MCC: variants seen among roughly 807,000 people sequenced by gnomAD.
MCC encodes colorectal mutant cancer protein.
MCC carries 90 observed loss-of-function variants against 116.2 expected under a neutral mutation model. The ratio of observed to expected loss-of-function variants is 0.77; its 90% CI spans 0.65 to 0.92. The LOEUF (loss-of-function observed/expected upper bound fraction) is 0.92. MCC is among the 40% of genes least tolerant of loss of function. The pLI is 0.00. For synonymous variants in MCC, 578 were observed against 510.5 expected (o/e 1.13, Z -1.78); for missense variants, 1,516 against 1,312.2 (o/e 1.16, Z -2.40).
chr5:113,204,741 T>C (rs1762836408), intron 3 of MCC, among the ~76,000 whole-genome samples: 1 of 152,208 alleles, frequency 6.6e-6, no homozygotes. Flanking sequence ...ACGGTTATGA[T>C]CACAGGGGAG....
At chr5:113,157,416 T>C (rs895177614) in intron 3 of MCC, among the ~76,000 whole-genome samples, 2 of 152,226 alleles carry the variant, frequency 1.3e-5, no homozygotes, top group African/African-American at 4.8e-5. Context: ...AGTCTGTGCT[T>C]TGAACAGCAC....
intron 12 of MCC, among the ~76,000 whole-genome samples, chr5:113,069,678 C>T (rs1753894552): frequency 6.6e-6 from 1 of 152,214 alleles, no homozygotes; most frequent in Non-Finnish European, 1.5e-5. Flanking sequence ...ACGCCATTAT[C>T]CTGCCTCAGC....
chr5:113,393,414 C>T (rs182748331), intron 1 of MCC, among the ~76,000 whole-genome samples: 2 of 152,252 alleles, frequency 1.3e-5, no homozygotes, highest in Non-Finnish European at 2.9e-5. Context: ...TAAGTGTTTA[C>T]AGGAGATGAC....
chr5:113,243,671 T>C (rs887171720), intron 3 of MCC, among the ~76,000 whole-genome samples: 2 of 151,978 alleles, frequency 1.3e-5, no homozygotes, highest in African/African-American at 4.8e-5. Flanking sequence ...CCTAGTGTGT[T>C]TATCCTTCTT....
intron 3 of MCC, among the ~76,000 whole-genome samples, chr5:113,329,400 AC>A (rs36060073): frequency 2.3e-4 from 35 of 152,134 alleles, no homozygotes; most frequent in Middle Eastern, 3.4e-3. Context: ...ACACACACAC[AC>A]AGAAACATAT....
intron 1 of MCC, among the ~76,000 whole-genome samples, chr5:113,481,028 C>T (rs1714875859): frequency 6.6e-6 from 1 of 152,188 alleles, no homozygotes; most frequent in Non-Finnish European, 1.5e-5. Flanking sequence ...CCACCTGCCT[C>T]AGCCTCCCAA....
intron 16 of MCC, among the ~76,000 whole-genome samples, chr5:113,044,708 G>T (rs192588820): frequency 1.3e-5 from 2 of 152,244 alleles, no homozygotes; most frequent in Non-Finnish European, 2.9e-5. Context: ...CCGAGTAGCT[G>T]GGATTACAGG....
At chr5:113,226,140 T>C (rs189388074) in intron 3 of MCC, among the ~76,000 whole-genome samples, 57 of 152,370 alleles carry the variant, frequency 3.7e-4, no homozygotes, top group Middle Eastern at 3.4e-3. Flanking sequence ...TGTGCCACCA[T>C]ACTCCAGCCT....
At position 113,029,235 on chromosome 5, in the gene MCC, A is replaced by G. The variant is rs75474456; in HGVS notation, c.2757-179T>C. Among the ~76,000 whole-genome samples the G allele has an allele frequency of 6.9e-3, 1,056 of 151,988 alleles. 10 individuals are homozygous for G. The highest frequency in any genetic ancestry group is 0.024 in the African/African-American group (978 of 41,446). ...TGTCACCTGAATGAATTCATTCTCAAATGCAGATTTAAACCCATTTCTTCA... is the reference window on the plus strand; with the variant it reads ...TGTCACCTGAATGAATTCATTCTCAGATGCAGATTTAAACCCATTTCTTCA... On this transcript the variant is annotated intron_variant, in intron 17 of 18. Transcript: ENST00000408903.
chr5:113,117,074 T>C (rs1353945365), intron 6 of MCC, among the ~76,000 whole-genome samples: 1 of 152,238 alleles, frequency 6.6e-6, no homozygotes, highest in Non-Finnish European at 1.5e-5. Flanking sequence ...ACCTCATTCC[T>C]AGCAAAAAGT....
At chr5:113,126,096 G>C (rs1238811537) in intron 5 of MCC, among the ~76,000 whole-genome samples, 1 of 152,184 alleles carries the variant, frequency 6.6e-6, no homozygotes, top group Non-Finnish European at 1.5e-5. Context: ...TCAACTCACA[G>C]GATTCCAAAT....
At chr5:113,229,920 C>G (rs545315475) in intron 3 of MCC, among the ~76,000 whole-genome samples, 2 of 152,170 alleles carry the variant, frequency 1.3e-5, no homozygotes, top group Non-Finnish European at 1.5e-5. Flanking sequence ...AACAACTGAT[C>G]CCCTAACAAC....
In MCC at chr5:113,385,013, T is replaced by A. The variant is rs1769219331; in HGVS notation, c.370A>T (p.Arg124Trp). The change falls in exon 2 of 19, where the codon AGG becomes TGG. Residue 124 changes from arginine to tryptophan, a missense_variant. Coordinates refer to ENST00000408903, the MANE Select transcript of MCC (RefSeq NM_001085377.2). ...GTGGGCCAGGAAGCAATTCTATCCC[T>A]CAGCTTCTTTGTACAGGAGTTGTCT... ...KSDNSCTKKLRDRIASWPTSS... is the reference protein window; with the variant it reads ...KSDNSCTKKLWDRIASWPTSS... 6 of 1,614,226 alleles carry A rather than the reference T, an allele frequency of 3.7e-6. No individual in the cohort carries two copies. In the East Asian group the frequency reaches 1.3e-4, roughly 36 times the overall value.
At chr5:113,080,906 ATCT>A (rs1028641652) in intron 11 of MCC, among the ~76,000 whole-genome samples, 1 of 151,564 alleles carries the variant, frequency 6.6e-6, no homozygotes, top group Non-Finnish European at 1.5e-5. Flanking sequence ...CTTTCTTATC[ATCT>A]TATTTGTTTT....
rs748044412 is a variant in MCC, at chr5:113,104,359, T to G, written c.1028-4A>C. The G allele has an allele frequency of 2.6e-5, 41 of 1,600,730 alleles. No homozygotes were observed. In the Admixed American group the frequency reaches 6.6e-4, roughly 26 times the overall value. On this transcript the variant is annotated splice_polypyrimidine_tract_variant and splice_region_variant and intron_variant, in intron 6 of 18. Transcript: ENST00000408903. ...GAGTTCAGGTCACTGCAGTTGTCTG[T>G]GAGTGAATGAAGACAAAATGCGTTA... is the stretch of plus-strand genomic sequence containing the variant.
intron 2 of MCC, among the ~76,000 whole-genome samples, chr5:113,342,732 G>C (rs954363601): frequency 1.3e-5 from 2 of 152,222 alleles, no homozygotes; most frequent in African/African-American, 4.8e-5. Flanking sequence ...GGGTGCATCT[G>C]GTTGGTGAAG....
intron 1 of MCC, among the ~76,000 whole-genome samples, chr5:113,394,345 C>T (rs1458097819): frequency 6.6e-6 from 1 of 152,194 alleles, no homozygotes; most frequent in East Asian, 1.9e-4. Flanking sequence ...ATTGGTCTCA[C>T]TCTTTCCAAC....
Position 113,220,068 on chromosome 5 carries a change from T to TTTTTTTTC in MCC, c.628-68647_628-68646insGAAAAAAA, listed in dbSNP as rs1763487570. Among the ~76,000 whole-genome samples the TTTTTTTTC allele has an allele frequency of 2.9e-5, 2 of 69,748 alleles. 1 individual carries two copies. Among genetic ancestry groups the TTTTTTTTC allele is most frequent in the South Asian group, 2.3e-3 (2 of 888 alleles). 45.8% of individuals were successfully genotyped at this position (69,748 alleles called of 152,430 possible). A position where few individuals can be genotyped will look rare whatever the true frequency, so the allele number is the denominator to read the frequency against. The stretch of plus-strand genomic sequence containing the variant: ...CTGCATGTCAATTTCTTTTTCTTTT[T>TTTTTTTTC]TTTTTTTGAGACGGAGTCTTGCTCT... On this transcript the variant is annotated intron_variant, in intron 3 of 18. Transcript: ENST00000408903.
At chr5:113,331,366 T>C (rs1190371857) in intron 3 of MCC, among the ~76,000 whole-genome samples, 1 of 151,708 alleles carries the variant, frequency 6.6e-6, no homozygotes, top group African/African-American at 2.4e-5. Context: ...TCCCAGCAGC[T>C]GTTCCTTCTC....
Sources: allele counts gnomAD v4.1 joint callset (sites outside exome capture counted in the v4.1 genomes callset), GRCh38; gene constraint gnomAD v4.1.1; transcripts MANE v1.5; gene names NCBI Gene and HGNC (gene_info 2026-07-23, HGNC 2026-07-21).